The following PEX5 variants were observed in gnomAD, a reference collection of about 807,000 sequenced individuals.
PEX5 encodes the protein peroxisomal biogenesis factor 5.
A neutral mutation model predicts 82.9 loss-of-function variants in PEX5; 52 were observed. The observed-to-expected ratio is 0.63, with a 90% CI of 0.50 to 0.79. The LOEUF is 0.79. Ranked by LOEUF, PEX5 falls within the 30% of genes least tolerant of loss-of-function variation. The probability of loss-of-function intolerance (pLI) is 0.00; values close to 1 mark genes in which losing one functional copy is unlikely to be tolerated. For missense variants in PEX5, 719 were observed against 815.2 expected (o/e 0.88, Z 1.44); for synonymous variants, 300 against 318.8 (o/e 0.94, Z 0.63).
intron 1 of PEX5, chr12:7,189,970 C>T: frequency 6.7e-7 from 1 of 1,494,480 alleles, no homozygotes; most frequent in Non-Finnish European, 8.8e-7. Context: ...GCTGGGGCTG[C>T]GCGGGGCTAG....
chr12:7,209,900 CTCCTTATTCTTAGA>C, intron 15 of PEX5, 60 bp downstream of exon 15: 1 of 1,605,510 alleles, frequency 6.2e-7, no homozygotes, highest in South Asian at 1.1e-5. Context: ...TTGGCCCTAG[CTCCTTATTCTTAGA>C]TCCTGTTTGA....
At chr12:7,193,267 G>A (rs893516370) in intron 5 of PEX5, among the ~76,000 whole-genome samples, 3 of 130,350 alleles carry the variant, frequency 2.3e-5, no homozygotes, top group African/African-American at 9.3e-5. Context: ...ACAGGGTCTT[G>A]CTCTCACCCA....
chr12:7,212,123 G>A (rs769391467), downstream of PEX5, among the ~76,000 whole-genome samples: 17 of 151,736 alleles, frequency 1.1e-4, no homozygotes, highest in Admixed American at 6.6e-4. Flanking sequence ...GTGCCACCAC[G>A]CCCAGCTAAT....
chr12:7,189,687 T>A lies in PEX5; in HGVS notation c.-80T>A. On this transcript the variant is annotated 5_prime_UTR_variant, in exon 1 of 16. Transcript: ENST00000675855. ...CCCCGCCCCCTGGCTCCCCGCCCCC[T>A]CTTCTCCCCTCCCCCAAGCCAGCAC... 3.3e-5 allele frequency: 10 copies of A among 306,732 alleles called. No individual in the cohort carries two copies. Among genetic ancestry groups the A allele is most frequent in the East Asian group, 1.1e-4 (2 of 18,704 alleles). 19.0% of individuals were successfully genotyped at this position (306,732 alleles called of 1,614,324 possible). A position where few individuals can be genotyped will look rare whatever the true frequency, so the allele number is the denominator to read the frequency against.
Position 7,203,476 on chromosome 12 carries a change from G to C in PEX5, c.891G>C (p.Glu297Asp), listed in dbSNP as rs1180968936. Residue 297 changes from glutamate (E) to aspartate (D), a missense_variant, in exon 10 of 16, where the codon GAG (glutamate) becomes GAC (aspartate). Coordinates refer to ENST00000675855, the MANE Select transcript of PEX5 (RefSeq NM_001351132.2). The part of the protein sequence containing the change: ...FWDKLQAELE[E>D]MAKRDAEAHP... The stretch of plus-strand genomic sequence containing the variant: ...ACAAGTTGCAGGCAGAGTTGGAGGA[G>C]ATGGCAAAACGGGATGCTGAGGCCC... 6.2e-7 allele frequency: 1 copy of C among 1,613,990 alleles called. No homozygotes were observed. The highest frequency in any genetic ancestry group is 2.2e-5 in the East Asian group (1 of 44,856).
At position 7,208,024 on chromosome 12, in the gene PEX5, G is replaced by C. The variant is rs762678346; in HGVS notation, c.1125G>C (p.Leu375=). The change falls in exon 12 of 16, where the codon CTG becomes CTC. Residue 375 remains leucine, a synonymous_variant. Coordinates refer to ENST00000675855, the MANE Select transcript of PEX5 (RefSeq NM_001351132.2). ...DPKHMEAWQY[L]GTTQAENEQE... The stretch of plus-strand genomic sequence containing the variant: ...CTTCCCTCTAGGCTTGGCAGTATCT[G>C]GGTACCACCCAGGCAGAGAATGAAC... The C allele has an allele frequency of 1.3e-5, 21 of 1,613,704 alleles. No homozygotes were observed. The highest frequency in any genetic ancestry group is 1.8e-5 in the Non-Finnish European group (21 of 1,179,616).
chr12:7,215,963 AAT>A (rs1945766485), downstream of PEX5, among the ~76,000 whole-genome samples: 1 of 151,724 alleles, frequency 6.6e-6, no homozygotes. Flanking sequence ...ATATTAATTA[AAT>A]TAAAAAAAAA....
downstream of PEX5, among the ~76,000 whole-genome samples, chr12:7,215,776 G>A (rs1945759682): frequency 6.6e-6 from 1 of 151,928 alleles, no homozygotes; most frequent in South Asian, 2.1e-4. Flanking sequence ...AAAACTGTTG[G>A]GTACTATGCT....
intron 5 of PEX5, among the ~76,000 whole-genome samples, chr12:7,196,478 CATCAT>C (rs1942306204): frequency 9.8e-6 from 1 of 101,708 alleles, no homozygotes; most frequent in South Asian, 4.5e-4. Context: ...GTAATAATTA[CATCAT>C]ATATAATGTA....
intron 5 of PEX5, among the ~76,000 whole-genome samples, chr12:7,192,567 C>G (rs1941348680): frequency 6.6e-6 from 1 of 152,128 alleles, no homozygotes; most frequent in Non-Finnish European, 1.5e-5. Flanking sequence ...TTCAGCTTTC[C>G]TCTTCCTGAT....
rs1408438066 is a variant in PEX5 at position 7,211,089 on chromosome 12, A to G, written c.*866A>G. On this transcript the variant is annotated 3_prime_UTR_variant, in exon 16 of 16. Coordinates refer to ENST00000675855, the MANE Select transcript of PEX5 (RefSeq NM_001351132.2). ...GTGAATGGGAATTGAGCCAACTGTT[A>G]TAGAAAATTGGTTCAGAAAGTGCAA... The G allele has an allele frequency of 6.5e-6, 1 of 152,798 alleles. No homozygotes were observed. The highest frequency in any genetic ancestry group is 2.4e-5 in the African/African-American group (1 of 41,452). 9.5% of individuals were successfully genotyped at this position (152,798 alleles called of 1,614,324 possible). A position where few individuals can be genotyped will look rare whatever the true frequency, so the allele number is the denominator to read the frequency against.
Position 7,199,192 on chromosome 12 carries a change from A to G in PEX5, c.551+79A>G, listed in dbSNP as rs1332974283. 6 of 717,664 alleles carry G rather than the reference A, an allele frequency of 8.4e-6. No homozygotes were observed. In the Admixed American group the frequency reaches 1.3e-4, roughly 16 times the overall value. 44.5% of individuals were successfully genotyped at this position (717,664 alleles called of 1,614,324 possible). ...CCAGCCTCCTCCATCCACGTTCTCG[A>G]ACCAACTTACTTTATTCTTTTTTTT... On this transcript the variant is annotated intron_variant, in intron 6 of 15. Transcript: ENST00000675855.
At chr12:7,203,635 C>A in intron 10 of PEX5, 84 bp downstream of exon 10, 1 of 1,361,340 alleles carries the variant, frequency 7.3e-7, no homozygotes, top group Non-Finnish European at 1.0e-6. Context: ...TTGAAGGGTG[C>A]TTTTAAGTAT....
At chr12:7,203,778 T>A (rs1331244874) in intron 10 of PEX5, among the ~76,000 whole-genome samples, 1 of 152,226 alleles carries the variant, frequency 6.6e-6, no homozygotes, top group Non-Finnish European at 1.5e-5. Flanking sequence ...GACAGTCCAG[T>A]ACATAACACC....
In PEX5 at chr12:7,197,240, AATTATATGTCAT is replaced by A. The variant is rs1565687346; in HGVS notation, c.449-1768_449-1757del. ...TGTAATTATATATGTCATATGTAAT[AATTATATGTCAT>A]ATGTAATAATTATATATGTCATATA... On this transcript the variant is annotated intron_variant, in intron 5 of 15. Transcript: ENST00000675855. 3.8e-3 allele frequency among the ~76,000 whole-genome samples: 89 copies of A among 23,296 alleles called. 26 individuals are homozygous for A. The highest frequency in any genetic ancestry group is 0.012 in the South Asian group (6 of 496). The allele number at this position is 23,296 out of a possible 152,430, so 15.3% of individuals were successfully genotyped here.
At chr12:7,202,455 G>A in intron 8 of PEX5, 104 bp downstream of exon 8, 1 of 1,476,316 alleles carries the variant, frequency 6.8e-7, no homozygotes, top group Non-Finnish European at 9.4e-7. Flanking sequence ...AGACCAGCTT[G>A]TCTTGATAGC....
rs1945208210 is a variant in PEX5 at position 7,209,176 on chromosome 12, C to T, written c.1560+6C>T. 6.2e-7 allele frequency: 1 copy of T among 1,612,974 alleles called. No homozygotes were observed. Among genetic ancestry groups the T allele is most frequent in the East Asian group, 2.2e-5 (1 of 44,864 alleles). On this transcript the variant is annotated splice_donor_region_variant and intron_variant, in intron 14 of 15. Coordinates refer to ENST00000675855, the MANE Select transcript of PEX5 (RefSeq NM_001351132.2). ...CCCTCAGCGTTCGTCCCAATGTGAG[C>T]CCAGGGGAGGAATGGAAATGGGACA...
chr12:7,211,790 C>A (rs1207108301), downstream of PEX5, among the ~76,000 whole-genome samples: 2 of 152,050 alleles, frequency 1.3e-5, no homozygotes, highest in Non-Finnish European at 2.9e-5. Context: ...TTTTTCAGTG[C>A]TTAGGGTTTC....
chr12:7,201,916 A>C, intron 7 of PEX5, 75 bp downstream of exon 7: 1 of 1,070,700 alleles, frequency 9.3e-7, no homozygotes, highest in South Asian at 1.3e-5. Context: ...TTCTTACCCC[A>C]GTTTAGTTTA....
Sources: allele counts gnomAD v4.1 joint callset (sites outside exome capture counted in the v4.1 genomes callset), GRCh38; gene constraint gnomAD v4.1.1; transcripts MANE v1.5; gene names NCBI Gene and HGNC (gene_info 2026-07-23, HGNC 2026-07-21).